The following ADAM17 variants were observed in gnomAD, a reference collection of about 807,000 sequenced individuals.
ADAM17 encodes the protein ADAM metallopeptidase domain 17, also known as disintegrin and metalloproteinase domain-containing protein 17.
ADAM17 carries 39 observed loss-of-function variants against 96.7 expected under a neutral mutation model. The ratio of observed to expected loss-of-function variants is 0.40; its 90% confidence interval spans 0.31 to 0.53. The LOEUF (loss-of-function observed/expected upper bound fraction) is 0.53. Among genes scored for constraint, ADAM17 ranks in the 20% least tolerant of loss-of-function variants. The pLI, the probability that ADAM17 is intolerant of heterozygous loss-of-function variation, is 0.44. For synonymous variants in ADAM17, 344 were observed against 359.2 expected, an observed-to-expected ratio of 0.96 and a Z score of 0.48; for missense variants, 777 against 1,013.2, an observed-to-expected ratio of 0.77 and a Z score of 3.17.
At chr2:9,542,845 G>A (rs1426025977) in intron 2 of ADAM17, among the ~76,000 whole-genome samples, 1 of 151,994 alleles carries the variant, frequency 6.6e-6, no homozygotes, top group South Asian at 2.1e-4. Context: ...TTACAGGCAC[G>A]TGTCACCATG....
chr2:9,555,575 C>A lies in ADAM17; in HGVS notation c.31G>T (p.Val11Leu), dbSNP rs754268931. The A allele has an allele frequency of 6.3e-7, 1 of 1,599,142 alleles. No homozygotes were observed. The highest frequency in any genetic ancestry group is 8.5e-7 in the Non-Finnish European group (1 of 1,172,810). ...CGCGGCGCCAGCACGAAAGGAACCA[C>A]GCTGGTCAGGAATAGGAGAGACTGC... MRQSLLFLTS[V>L]VPFVLAPRPP... The change falls in exon 1 of 19, where the codon GTG (valine) becomes TTG (leucine). Residue 11 changes from valine to leucine, a missense_variant. Val to Leu is a conservative substitution (Grantham distance 32). Around this residue, in one of 3 missense-constraint regions of ADAM17, gnomAD observed 134 missense variants for 129.1 expected, o/e 1.04. Coordinates refer to ENST00000310823, the MANE Select transcript of ADAM17 (RefSeq NM_003183.6).
chr2:9,526,973 T>C (rs1664557176), intron 5 of ADAM17, among the ~76,000 whole-genome samples: 1 of 152,140 alleles, frequency 6.6e-6, no homozygotes, highest in African/African-American at 2.4e-5. Flanking sequence ...TCTTGTGAAA[T>C]AAATTAAGAA....
chr2:9,499,113 CTTTT>C (rs59259119), intron 13 of ADAM17, among the ~76,000 whole-genome samples: 1 of 47,540 alleles, frequency 2.1e-5, no homozygotes, highest in Non-Finnish European at 9.7e-5. Flanking sequence ...CTTTCTTCTT[CTTTT>C]TTTTTTTTTT....
chr2:9,552,453 C>G (rs570643479), intron 1 of ADAM17, among the ~76,000 whole-genome samples: 1 of 152,302 alleles, frequency 6.6e-6, no homozygotes, highest in South Asian at 2.1e-4. Flanking sequence ...CAAAGGAATG[C>G]AGCCAGTAAG....
rs1281278357 is a variant in ADAM17, at chr2:9,489,130, T to C, written c.*1047A>G. On this transcript the variant is annotated 3_prime_UTR_variant, in exon 19 of 19. Transcript: ENST00000310823. ...GGTAGTATTCTATCTCCTGGCTGGC[T>C]CATCACATTCAAAACAACCTGTTTT... 1 of 148,950 alleles carries C rather than the reference T, an allele frequency of 6.7e-6. No individual in the cohort carries two copies. Among genetic ancestry groups the C allele is most frequent in the Non-Finnish European group, 1.5e-5 (1 of 67,108 alleles). The allele number at this position is 148,950 out of a possible 1,614,324, so 9.2% of individuals were successfully genotyped here.
At chr2:9,518,571 G>A (rs1558512178) in intron 8 of ADAM17, among the ~76,000 whole-genome samples, 2 of 152,162 alleles carry the variant, frequency 1.3e-5, no homozygotes, top group Non-Finnish European at 2.9e-5. Flanking sequence ...GACTAGAGAT[G>A]CTCCAATTCG....
intron 1 of ADAM17, among the ~76,000 whole-genome samples, chr2:9,544,208 A>T (rs1035750330): frequency 9.2e-5 from 14 of 152,162 alleles, no homozygotes; most frequent in African/African-American, 3.4e-4. Context: ...GAAATCTGAC[A>T]ATCTCTAATG....
intron 4 of ADAM17, among the ~76,000 whole-genome samples, chr2:9,533,352 T>A (rs1275362349): frequency 6.6e-6 from 1 of 151,726 alleles, no homozygotes; most frequent in Non-Finnish European, 1.5e-5. Flanking sequence ...ATCGAGACCA[T>A]CCTGGCCAAC....
chr2:9,534,158 CAGG>C (rs1378955293), intron 4 of ADAM17, among the ~76,000 whole-genome samples: 2 of 152,158 alleles, frequency 1.3e-5, no homozygotes, highest in Non-Finnish European at 2.9e-5. Context: ...ATCATGAGGT[CAGG>C]AGATCGAGAC....
chr2:9,525,425 T>G (rs13389456), intron 6 of ADAM17, among the ~76,000 whole-genome samples: 2 of 152,166 alleles, frequency 1.3e-5, no homozygotes, highest in South Asian at 4.1e-4. Context: ...ACCAGCTTCT[T>G]CTTGCTTCAT....
intron 12 of ADAM17, among the ~76,000 whole-genome samples, chr2:9,504,576 C>A (rs1350599432): frequency 6.6e-6 from 1 of 151,918 alleles, no homozygotes; most frequent in African/African-American, 2.4e-5. Flanking sequence ...ACCATCCTGG[C>A]CACCGTAGTG....
chr2:9,514,518 A>AATATAAATATATAT (rs1663933473), intron 10 of ADAM17, among the ~76,000 whole-genome samples: 1 of 89,882 alleles, frequency 1.1e-5, no homozygotes, highest in African/African-American at 4.4e-5. Context: ...TTAAAATATA[A>AATATAAATATATAT]ATATATATAT....
chr2:9,516,733 A>T (rs1664078267), intron 10 of ADAM17, among the ~76,000 whole-genome samples: 2 of 152,164 alleles, frequency 1.3e-5, no homozygotes, highest in South Asian at 4.1e-4. Flanking sequence ...AGACTGGGCC[A>T]CAGAGCAAGA....
At chr2:9,523,627 C>A (rs897097680) in intron 6 of ADAM17, among the ~76,000 whole-genome samples, 1 of 152,146 alleles carries the variant, frequency 6.6e-6, no homozygotes, top group African/African-American at 2.4e-5. Flanking sequence ...TTTTTTAAAA[C>A]TACCGTTTCA....
At chr2:9,548,412 C>A (rs1294974591) in intron 1 of ADAM17, among the ~76,000 whole-genome samples, 2 of 151,628 alleles carry the variant, frequency 1.3e-5, no homozygotes, top group African/African-American at 2.4e-5. Flanking sequence ...TGTAGGAAAT[C>A]TGCTGGTAGG....
intron 7 of ADAM17, among the ~76,000 whole-genome samples, chr2:9,522,697 G>A (rs1664361745): frequency 1.3e-5 from 2 of 152,210 alleles, no homozygotes; most frequent in East Asian, 1.9e-4. Context: ...CCCTTTGTCA[G>A]AAGCCTTTTT....
intron 12 of ADAM17, among the ~76,000 whole-genome samples, chr2:9,503,076 G>A (rs1663115468): frequency 6.7e-6 from 1 of 149,136 alleles, no homozygotes; most frequent in Non-Finnish European, 1.5e-5. Context: ...GAAGGCAGAG[G>A]TTGCGGTGAG....
chr2:9,553,648 C>A (rs7586304), intron 1 of ADAM17, among the ~76,000 whole-genome samples: 1 of 145,270 alleles, frequency 6.9e-6, no homozygotes, highest in African/African-American at 2.6e-5. Flanking sequence ...GCACTCCAGC[C>A]TGGGCAACAA....
At chr2:9,525,922 G>C (rs577933688) in intron 6 of ADAM17, among the ~76,000 whole-genome samples, 189 bp downstream of exon 6, 2 of 152,164 alleles carry the variant, frequency 1.3e-5, no homozygotes, top group Non-Finnish European at 2.9e-5. Context: ...TTAGTTCAAG[G>C]GTAAAATGGG....
Sources: allele counts gnomAD v4.1 joint callset (sites outside exome capture counted in the v4.1 genomes callset), GRCh38; gene constraint gnomAD v4.1.1; regional missense constraint gnomAD v4.1.1; transcripts MANE v1.5; gene names NCBI Gene and HGNC (gene_info 2026-07-23, HGNC 2026-07-21).